COG3: variants seen among roughly 807,000 people sequenced by gnomAD.
The protein encoded by COG3 is conserved oligomeric Golgi complex subunit 3.
A neutral mutation model predicts 114.1 loss-of-function variants in COG3; 32 were observed. The ratio of observed to expected loss-of-function variants is 0.28; its 90% confidence interval spans 0.21 to 0.38. The LOEUF is 0.38. Among genes scored for constraint, COG3 ranks in the 10% least tolerant of loss-of-function variants. The probability of loss-of-function intolerance (pLI) is 1.00; values close to 1 mark genes in which losing one functional copy is unlikely to be tolerated. For synonymous variants in COG3, 352 were observed against 365.7 expected (o/e 0.96, Z 0.43); for missense variants, 813 against 973.2 (o/e 0.84, Z 2.19).
chr13:45,480,285 G>A lies in COG3; in HGVS notation c.544G>A (p.Glu182Lys), dbSNP rs1886168356. 2 of 1,605,644 alleles carry A rather than the reference G, an allele frequency of 1.2e-6. No individual in the cohort carries two copies. The highest frequency in any genetic ancestry group is 1.3e-5 in the African/African-American group (1 of 74,698). Residue 182 changes from glutamate (E) to lysine (K), a missense_variant, in exon 4 of 23, where the codon GAA (glutamate) becomes AAA (lysine). Coordinates refer to ENST00000349995, the MANE Select transcript of COG3 (RefSeq NM_031431.4). The part of the protein sequence containing the change: ...LHEACEQLLK[E>K]QSELVDLAEN... ...TGAAGCCTGTGAACAGCTCCTAAAAGAACAGGTAATTTGGAGTAAGAGAGA... is the reference window on the plus strand; with the variant it reads ...TGAAGCCTGTGAACAGCTCCTAAAAAAACAGGTAATTTGGAGTAAGAGAGA...
intron 1 of COG3, 135 bp from the exon 2 acceptor site, chr13:45,476,066 A>G (rs1885840505): frequency 1.3e-6 from 1 of 767,370 alleles, no homozygotes; most frequent in Admixed American, 2.5e-5. Flanking sequence ...ACTATATAGT[A>G]TTTATTAACT....
At chr13:45,510,276 T>G (rs1870717768) in intron 15 of COG3, among the ~76,000 whole-genome samples, 1 of 152,228 alleles carries the variant, frequency 6.6e-6, no homozygotes, top group African/African-American at 2.4e-5. Flanking sequence ...CTACTCTATA[T>G]TTAATTTAAA....
chr13:45,474,303 G>T (rs1012970873), intron 1 of COG3, among the ~76,000 whole-genome samples: 2 of 151,716 alleles, frequency 1.3e-5, no homozygotes, highest in Non-Finnish European at 2.9e-5. Flanking sequence ...GACTACAGGC[G>T]CCTGCCACCA....
Position 45,483,309 on chromosome 13 carries a change from A to G in COG3, c.797A>G (p.Tyr266Cys), listed in dbSNP as rs747584620. 3 of 1,602,552 alleles carry G rather than the reference A, an allele frequency of 1.9e-6. No individual in the cohort carries two copies. Among genetic ancestry groups the G allele is most frequent in the Non-Finnish European group, 1.7e-6 (2 of 1,169,970 alleles). The change falls in exon 7 of 23, where the codon TAT becomes TGT. Residue 266 changes from tyrosine to cysteine, a missense_variant. Around this residue, in one of 2 missense-constraint regions of COG3, gnomAD observed 424 missense variants for 430.6 expected, o/e 0.98. Transcript: ENST00000349995. ...LSKALHLMKT[Y>C]TVNTLQTLTS... is the part of the protein sequence containing the mutation. ...AAAGCTTTGCACCTCATGAAGACAT[A>G]TACTGTGAACACACTACAGACCCTC...
At chr13:45,529,045 A>G in intron 20 of COG3, among the ~76,000 whole-genome samples, 1 of 152,220 alleles carries the variant, frequency 6.6e-6, no homozygotes, top group East Asian at 1.9e-4. Context: ...ACCCTCGTCA[A>G]ACATGGATAT....
At chr13:45,513,395 TTATA>T (rs1566265999) in intron 16 of COG3, among the ~76,000 whole-genome samples, 5 of 72,374 alleles carry the variant, frequency 6.9e-5, no homozygotes, top group Admixed American at 4.8e-4. Flanking sequence ...TACATATAAA[TTATA>T]CATATAATAT....
At chr13:45,483,177 G>C (rs1235515038) in intron 6 of COG3, 53 bp from the exon 7 acceptor site, 28 of 1,434,928 alleles carry the variant, frequency 2.0e-5, no homozygotes, top group African/African-American at 5.7e-5. Flanking sequence ...CTAAAAGCTT[G>C]CTTTTTATCT....
chr13:45,505,834 G>A (rs1320097705), intron 14 of COG3, among the ~76,000 whole-genome samples: 1 of 151,770 alleles, frequency 6.6e-6, no homozygotes, highest in Non-Finnish European at 1.5e-5. Context: ...GGCTCAAGCA[G>A]TCCTCCCACC....
intron 14 of COG3, among the ~76,000 whole-genome samples, chr13:45,508,068 TAAAAA>T (rs10571583): frequency 1.1e-3 from 35 of 32,262 alleles, no homozygotes; most frequent in East Asian, 5.7e-3. Context: ...AGGTCCAACC[TAAAAA>T]AAAAAAAAAA....
chr13:45,531,106 A>G (rs1566276035), intron 22 of COG3: 15 of 981,396 alleles, frequency 1.5e-5, no homozygotes, highest in Non-Finnish European at 1.8e-5. Flanking sequence ...AATATGCATA[A>G]TAAGAGAAAT....
At position 45,509,766 on chromosome 13, in the gene COG3, A is replaced by G. The variant is rs767858192; in HGVS notation, c.1669A>G (p.Thr557Ala). ...PADLHGMWYPTVRRTLVCLSK... is the reference protein window; with the variant it reads ...PADLHGMWYPAVRRTLVCLSK... ...AGATCTTCATGGAATGTGGTATCCT[A>G]CGGTTCGAAGAACTCTTGTCTGTCT... Residue 557 changes from threonine (T) to alanine (A), a missense_variant, in exon 15 of 23, where the codon ACG becomes GCG. Physicochemically the swap from Thr to Ala is moderately conservative, Grantham distance 58 (BLOSUM62 0). This residue lies in a region of COG3 where 389 missense variants were observed against 542.6 expected (regional missense o/e 0.72). Coordinates refer to ENST00000349995, the MANE Select transcript of COG3 (RefSeq NM_031431.4). 12 of 1,613,974 alleles carry G rather than the reference A, an allele frequency of 7.4e-6. No individual in the cohort carries two copies. In the Admixed American group the frequency reaches 8.3e-5, roughly 11 times the overall value.
At chr13:45,520,290 A>AAAAAT (rs1555299493) in intron 19 of COG3, among the ~76,000 whole-genome samples, 1 of 130,426 alleles carries the variant, frequency 7.7e-6, no homozygotes, top group African/African-American at 2.9e-5. Flanking sequence ...TGTCTCAAAA[A>AAAAAT]AAAAATAAAA....
At chr13:45,500,530 T>C (rs924906141) in intron 13 of COG3, among the ~76,000 whole-genome samples, 19 of 152,206 alleles carry the variant, frequency 1.2e-4, no homozygotes, top group African/African-American at 4.6e-4. Flanking sequence ...CCTAATTTCT[T>C]TTATTTTTAT....
intron 10 of COG3, among the ~76,000 whole-genome samples, 186 bp downstream of exon 10, chr13:45,491,724 A>C (rs1887029175): frequency 6.6e-6 from 1 of 152,156 alleles, no homozygotes; most frequent in South Asian, 2.1e-4. Flanking sequence ...CTCATTTTTT[A>C]CTTATTTTTT....
intron 19 of COG3, 31 bp downstream of exon 19, chr13:45,519,125 C>A: frequency 6.2e-7 from 1 of 1,607,584 alleles, no homozygotes; most frequent in East Asian, 2.2e-5. Flanking sequence ...GTGGTAAAGT[C>A]ATTTTGCATT....
chr13:45,488,624 G>C (rs1236866947), intron 8 of COG3, among the ~76,000 whole-genome samples: 2 of 152,006 alleles, frequency 1.3e-5, no homozygotes, highest in East Asian at 3.9e-4. Flanking sequence ...AGATTAGGGG[G>C]TGAATTAATG....
Position 45,535,833 on chromosome 13 carries a change from T to C in COG3, c.*1102T>C. The C allele has an allele frequency of 1.0e-6, 1 of 987,574 alleles. No homozygotes were observed. The highest frequency in any genetic ancestry group is 4.7e-5 in the South Asian group (1 of 21,376). 61.2% of individuals were successfully genotyped at this position (987,574 alleles called of 1,614,324 possible). ...TTTCCAACAAATTCCTACTTCCTGATTGGATTGGTTTTGCCGCTGATGTTA... is the reference window on the plus strand; with the variant it reads ...TTTCCAACAAATTCCTACTTCCTGACTGGATTGGTTTTGCCGCTGATGTTA... On this transcript the variant is annotated 3_prime_UTR_variant, in exon 23 of 23. Coordinates refer to ENST00000349995, the MANE Select transcript of COG3 (RefSeq NM_031431.4).
At chr13:45,507,858 A>G (rs984225511) in intron 14 of COG3, among the ~76,000 whole-genome samples, 1 of 151,112 alleles carries the variant, frequency 6.6e-6, no homozygotes, top group Admixed American at 6.6e-5. Flanking sequence ...TCACTAGGTC[A>G]GGAGATCAAG....
At chr13:45,496,749 C>G (rs764082481) in intron 13 of COG3, among the ~76,000 whole-genome samples, 48 of 151,770 alleles carry the variant, frequency 3.2e-4, no homozygotes, top group Non-Finnish European at 6.6e-4. Flanking sequence ...TCTCGGCTCA[C>G]TGCAACTTCT....
Sources: gnomAD v4.1 joint callset for allele counts (sites outside exome capture counted in the v4.1 genomes callset) on GRCh38, gnomAD v4.1.1 for gene constraint, gnomAD v4.1.1 regional missense constraint, MANE v1.5 for transcripts, NCBI Gene and HGNC (gene_info 2026-07-23, HGNC 2026-07-21) for gene names.